The following CCDC6 variants were observed in gnomAD, a reference collection of about 807,000 sequenced individuals.
CCDC6 encodes coiled-coil domain-containing protein 6.
A neutral mutation model predicts 56.6 loss-of-function variants in CCDC6; 20 were observed. That is an observed-to-expected ratio of 0.35 (90% CI 0.25 to 0.51). CCDC6 has a LOEUF of 0.51. Among genes scored for constraint, CCDC6 ranks in the 20% least tolerant of loss-of-function variants. CCDC6 has a pLI of 0.95. For synonymous variants in CCDC6, 241 were observed against 234.4 expected (o/e 1.03, Z -0.26); for missense variants, 367 against 601.1 (o/e 0.61, Z 4.07).
At position 59,792,652 on chromosome 10, in the gene CCDC6, C is replaced by A. The variant is rs776175646; in HGVS notation, c.*265G>T. On this transcript the variant is annotated 3_prime_UTR_variant, in exon 9 of 9. Transcript: ENST00000263102. ...ACACTGCTGCTGAAATACCAAATAC[C>A]AAACAGCGAAGGTTCCAGCCAGGGA... 1.4e-6 allele frequency: 1 copy of A among 721,970 alleles called. No homozygotes were observed. Among genetic ancestry groups the A allele is most frequent in the African/African-American group, 1.7e-5 (1 of 58,486 alleles). 44.7% of individuals were successfully genotyped at this position (721,970 alleles called of 1,614,324 possible). A position where few individuals can be genotyped will look rare whatever the true frequency, so the allele number is the denominator to read the frequency against.
At chr10:59,798,081 A>C (rs1417270338) in intron 7 of CCDC6, among the ~76,000 whole-genome samples, 1 of 152,208 alleles carries the variant, frequency 6.6e-6, no homozygotes, top group Non-Finnish European at 1.5e-5. Flanking sequence ...AAATGTGGCT[A>C]GCTTTCTTTA....
intron 7 of CCDC6, among the ~76,000 whole-genome samples, chr10:59,803,461 TCA>T (rs1368942925): frequency 1.3e-5 from 2 of 152,242 alleles, no homozygotes; most frequent in East Asian, 3.8e-4. Flanking sequence ...TCTGCCTCTG[TCA>T]CAGTCCCCTC....
intron 1 of CCDC6, 126 bp downstream of exon 1, chr10:59,905,996 A>T: frequency 2.5e-6 from 2 of 812,560 alleles, no homozygotes; most frequent in Non-Finnish European, 1.9e-6. Context: ...AGGTCCCCGC[A>T]GGGAGTGTGC....
chr10:59,823,410 GCAGC>G (rs1009136021), intron 3 of CCDC6, among the ~76,000 whole-genome samples: 1 of 152,166 alleles, frequency 6.6e-6, no homozygotes, highest in African/African-American at 2.4e-5. Flanking sequence ...CAGTACCTAA[GCAGC>G]CAGCCGGTGC....
chr10:59,894,018 C>T (rs931132118), intron 1 of CCDC6, among the ~76,000 whole-genome samples: 3 of 152,102 alleles, frequency 2.0e-5, no homozygotes, highest in Non-Finnish European at 4.4e-5. Context: ...GAGTCCCTAA[C>T]GGTAAAGGGT....
intron 3 of CCDC6, 137 bp downstream of exon 3, chr10:59,832,388 T>G (rs1272023659): frequency 4.3e-6 from 3 of 698,436 alleles, no homozygotes; most frequent in Non-Finnish European, 7.0e-6. Flanking sequence ...ATGCTCACTT[T>G]AGAAATGAAG....
chr10:59,902,647 C>A (rs2071512467), intron 1 of CCDC6, among the ~76,000 whole-genome samples: 1 of 152,080 alleles, frequency 6.6e-6, no homozygotes. Context: ...GATCCGCCTG[C>A]CTTGGCCTCC....
intron 1 of CCDC6, among the ~76,000 whole-genome samples, chr10:59,866,749 T>C (rs373110255): frequency 2.6e-5 from 4 of 152,266 alleles, no homozygotes; most frequent in African/African-American, 9.6e-5. Flanking sequence ...CCTTCTATGG[T>C]CTAAACTCAA....
chr10:59,791,718 G>A lies in CCDC6; in HGVS notation c.*1199C>T, dbSNP rs982225049. ...ACTGCTGAAAAACAAAAATTAAGAT[G>A]TTGCACGTGTTAAGAAAAGAGTGAC... On this transcript the variant is annotated 3_prime_UTR_variant, in exon 9 of 9. Coordinates refer to ENST00000263102, the MANE Select transcript of CCDC6 (RefSeq NM_005436.5). The A allele has an allele frequency of 9.4e-6, 2 of 211,752 alleles. No individual in the cohort carries two copies. The highest frequency in any genetic ancestry group is 4.5e-5 in the African/African-American group (2 of 44,194). The allele number at this position is 211,752 out of a possible 1,614,324, so 13.1% of individuals were successfully genotyped here. A position where few individuals can be genotyped will look rare whatever the true frequency, so the allele number is the denominator to read the frequency against.
intron 2 of CCDC6, among the ~76,000 whole-genome samples, chr10:59,844,762 A>AG (rs35098590): frequency 0.18 from 23,745 of 132,868 alleles, 2,777 homozygotes; most frequent in Middle Eastern, 0.28. Context: ...AAAAAAAAAA[A>AG]AGAGAGAGAG....
chr10:59,810,405 T>G (rs2070663051), intron 5 of CCDC6, among the ~76,000 whole-genome samples: 1 of 152,154 alleles, frequency 6.6e-6, no homozygotes, highest in Non-Finnish European at 1.5e-5. Context: ...GACTAAACAG[T>G]GCAGTATGGA....
At chr10:59,864,016 A>G (rs943566535) in intron 1 of CCDC6, among the ~76,000 whole-genome samples, 1 of 152,220 alleles carries the variant, frequency 6.6e-6, no homozygotes, top group South Asian at 2.1e-4. Context: ...CTAATTTATA[A>G]GTTGGTTGTT....
chr10:59,859,185 A>T (rs1452989388), intron 1 of CCDC6, among the ~76,000 whole-genome samples: 12 of 128,706 alleles, frequency 9.3e-5, no homozygotes, highest in African/African-American at 3.7e-4. Context: ...TGGAAAAAAA[A>T]ATACATGTGT....
chr10:59,795,539 T>G (rs192799605), intron 7 of CCDC6, among the ~76,000 whole-genome samples: 12 of 151,958 alleles, frequency 7.9e-5, no homozygotes, highest in Middle Eastern at 3.4e-3. Flanking sequence ...TAGTTACATA[T>G]GTATACATGT....
chr10:59,868,483 C>A (rs955238477), intron 1 of CCDC6, among the ~76,000 whole-genome samples: 1 of 152,186 alleles, frequency 6.6e-6, no homozygotes, highest in Non-Finnish European at 1.5e-5. Context: ...CTCACTGCCA[C>A]TGGACACTCT....
At chr10:59,793,757 C>G (rs2070488480) in intron 8 of CCDC6, among the ~76,000 whole-genome samples, 3 of 142,974 alleles carry the variant, frequency 2.1e-5, no homozygotes, top group South Asian at 4.6e-4. Context: ...GAACTCCAGC[C>G]TGGATGACAG....
intron 7 of CCDC6, among the ~76,000 whole-genome samples, chr10:59,801,306 A>T (rs2070572722): frequency 6.6e-6 from 1 of 152,172 alleles, no homozygotes; most frequent in Admixed American, 6.5e-5. Flanking sequence ...TTTGGAAACA[A>T]TATCCTCTTT....
intron 1 of CCDC6, among the ~76,000 whole-genome samples, chr10:59,867,121 T>C (rs1030338511): frequency 6.6e-6 from 1 of 152,194 alleles, no homozygotes; most frequent in African/African-American, 2.4e-5. Context: ...AACTTAAGCA[T>C]ATCCCCAGAA....
At chr10:59,885,988 T>C (rs1055317440) in intron 1 of CCDC6, among the ~76,000 whole-genome samples, 2 of 136,738 alleles carry the variant, frequency 1.5e-5, no homozygotes, top group Non-Finnish European at 3.0e-5. Context: ...GCACAATGCA[T>C]AGAACAGCCT....
Sources: gnomAD v4.1 joint callset for allele counts (sites outside exome capture counted in the v4.1 genomes callset) on GRCh38, gnomAD v4.1.1 for gene constraint, MANE v1.5 for transcripts, NCBI Gene and HGNC (gene_info 2026-07-23, HGNC 2026-07-21) for gene names.